DAP: variants seen among roughly 807,000 people sequenced by gnomAD.
DAP encodes the protein death associated protein.
DAP carries 8 observed loss-of-function variants against 13.8 expected under a neutral mutation model. That is an observed-to-expected ratio of 0.58 (90% CI 0.34 to 1.05). DAP has a LOEUF of 1.05. DAP is among the 50% of genes least tolerant of loss of function. DAP has a pLI of 0.03. For missense variants in DAP, 106 were observed against 133.2 expected, an observed-to-expected ratio of 0.80 and a Z score of 1.01; for synonymous variants, 47 against 47.5, an observed-to-expected ratio of 0.99 and a Z score of 0.04.
chr5:10,757,900 G>C (rs1172882880), intron 1 of DAP, among the ~76,000 whole-genome samples: 2 of 152,180 alleles, frequency 1.3e-5, no homozygotes, highest in Non-Finnish European at 2.9e-5. Context: ...AGATCAAGAA[G>C]ACCCAGCCCT....
chr5:10,696,933 C>T (rs1461657318), intron 2 of DAP, among the ~76,000 whole-genome samples: 1 of 152,130 alleles, frequency 6.6e-6, no homozygotes, highest in Non-Finnish European at 1.5e-5. Context: ...GCAGCCTGAA[C>T]AATTCAAACA....
At chr5:10,692,982 C>T (rs943134730) in intron 2 of DAP, among the ~76,000 whole-genome samples, 3 of 152,182 alleles carry the variant, frequency 2.0e-5, no homozygotes, top group Admixed American at 1.3e-4. Flanking sequence ...CTTCTTCACC[C>T]CAAAATAGGA....
intron 2 of DAP, among the ~76,000 whole-genome samples, chr5:10,740,251 A>T: frequency 1.3e-5 from 2 of 152,250 alleles, no homozygotes; most frequent in East Asian, 3.8e-4. Flanking sequence ...TAGGAGAGGA[A>T]AAAAGAGTCG....
chr5:10,734,454 A>C (rs1258376014), intron 2 of DAP, among the ~76,000 whole-genome samples: 1 of 152,208 alleles, frequency 6.6e-6, no homozygotes, highest in African/African-American at 2.4e-5. Flanking sequence ...TAAGGAGTTC[A>C]GCCAGGATCT....
intron 2 of DAP, among the ~76,000 whole-genome samples, chr5:10,702,258 C>T (rs188549372): frequency 2.6e-4 from 40 of 152,304 alleles, no homozygotes; most frequent in Non-Finnish European, 4.9e-4. Context: ...CAGCTTAGCA[C>T]AAGTTTGTGG....
At chr5:10,717,999 C>T (rs955991403) in intron 2 of DAP, among the ~76,000 whole-genome samples, 30 of 152,286 alleles carry the variant, frequency 2.0e-4, no homozygotes, top group African/African-American at 6.7e-4. Flanking sequence ...CCCAGAACCC[C>T]TTGAATGAAG....
At chr5:10,754,949 C>CA (rs1301749187) in intron 1 of DAP, among the ~76,000 whole-genome samples, 1 of 152,192 alleles carries the variant, frequency 6.6e-6, no homozygotes, top group Non-Finnish European at 1.5e-5. Context: ...TGCTGGGCTA[C>CA]ACGGCCAGGG....
At chr5:10,704,900 A>G (rs1738662945) in intron 2 of DAP, among the ~76,000 whole-genome samples, 1 of 152,116 alleles carries the variant, frequency 6.6e-6, no homozygotes, top group African/African-American at 2.4e-5. Context: ...GAGGAAGTGG[A>G]GCCAGGACAA....
chr5:10,683,058 G>T (rs918563453), intron 3 of DAP: 2 of 226,758 alleles, frequency 8.8e-6, no homozygotes, highest in Admixed American at 5.9e-5. Flanking sequence ...GTGTGGCCAG[G>T]GTGGGGTCCA....
chr5:10,709,432 G>A (rs886161758), intron 2 of DAP, among the ~76,000 whole-genome samples: 3 of 152,202 alleles, frequency 2.0e-5, no homozygotes, highest in African/African-American at 7.2e-5. Flanking sequence ...GTAGGTAAGG[G>A]AGCCCAGTAC....
At chr5:10,715,759 T>C (rs267981) in intron 2 of DAP, among the ~76,000 whole-genome samples, 141,717 of 152,314 alleles carry the variant, frequency 0.93, 66,234 homozygotes, top group Non-Finnish European at 0.97. Context: ...GCAGGGAGGC[T>C]GTTAGCCTCA....
At position 10,727,911 on chromosome 5, in the gene DAP, C is replaced by A. The variant is rs555113859; in HGVS notation, c.152+20264G>T. ...CTCCAGTTACTTACAATTCCTGATA[C>A]GATGTAAATGCTATGTAAATAGCTG... On this transcript the variant is annotated intron_variant, in intron 2 of 3. Transcript: ENST00000230895. Among the ~76,000 whole-genome samples, 70 of 152,086 alleles carry A rather than the reference C, an allele frequency of 4.6e-4. 2 individuals carry two copies. The South Asian group carries it at 0.014, about 31-fold the overall frequency.
In DAP at chr5:10,752,638, C is replaced by CTGTG. The variant is rs35087570; in HGVS notation, c.56-4371_56-4368dup. 1.3e-3 allele frequency among the ~76,000 whole-genome samples: 203 copies of CTGTG among 150,740 alleles called. 1 individual carries two copies. Among genetic ancestry groups the CTGTG allele is most frequent in the African/African-American group, 4.6e-3 (189 of 41,128 alleles). The stretch of plus-strand genomic sequence containing the variant: ...CCTTGGGATCAAATCCCAGTTCTGC[C>CTGTG]TGTGTGTGTGTGTGTGTGCATGTGC... On this transcript the variant is annotated intron_variant, in intron 1 of 3. Transcript: ENST00000230895.
At chr5:10,716,297 G>A (rs1489996201) in intron 2 of DAP, among the ~76,000 whole-genome samples, 4 of 152,164 alleles carry the variant, frequency 2.6e-5, no homozygotes, top group African/African-American at 7.2e-5. Flanking sequence ...CACATCTATC[G>A]TGCAGAGTAA....
chr5:10,693,196 A>C, intron 2 of DAP, among the ~76,000 whole-genome samples: 1 of 151,954 alleles, frequency 6.6e-6, no homozygotes. Context: ...CAAATCTCTG[A>C]TCCCACTGAA....
At chr5:10,687,460 G>T (rs1276001434) in intron 2 of DAP, among the ~76,000 whole-genome samples, 4 of 152,214 alleles carry the variant, frequency 2.6e-5, no homozygotes, top group African/African-American at 7.2e-5. Context: ...GAGTTTGGAA[G>T]AAGCTGATTC....
intron 2 of DAP, among the ~76,000 whole-genome samples, chr5:10,709,023 G>C (rs1461009075): frequency 2.6e-5 from 4 of 152,232 alleles, no homozygotes; most frequent in African/African-American, 7.2e-5. Flanking sequence ...TTCATTACAA[G>C]TAATCCTCCT....
rs1267746944 is a variant in DAP at position 10,681,120 on chromosome 5, G to A, written c.245C>T (p.Pro82Leu). 5 of 1,557,086 alleles carry A rather than the reference G, an allele frequency of 3.2e-6. No individual in the cohort carries two copies. Among genetic ancestry groups the A allele is most frequent in the Admixed American group, 2.0e-5 (1 of 50,284 alleles). The change falls in exon 4 of 4, where the codon CCG becomes CTG. Residue 82 changes from proline (P) to leucine (L), a missense_variant. Coordinates refer to ENST00000230895, the MANE Select transcript of DAP (RefSeq NM_004394.3). ...AGGATGCTTGTCCATGGAGGCATGC[G>A]GCTTCTGGTGAGCCACCTGCGCAGC... is the stretch of plus-strand genomic sequence containing the variant. ...PAAAQVAHQK[P>L]HASMDKHPSP...
chr5:10,689,360 T>TAAGA (rs1738240199), intron 2 of DAP, among the ~76,000 whole-genome samples: 1 of 152,060 alleles, frequency 6.6e-6, no homozygotes, highest in African/African-American at 2.4e-5. Flanking sequence ...CCCCCAGCAG[T>TAAGA]AAGAATGACC....
Sources: gnomAD v4.1 joint callset for allele counts (sites outside exome capture counted in the v4.1 genomes callset) on GRCh38, gnomAD v4.1.1 for gene constraint, MANE v1.5 for transcripts, NCBI Gene and HGNC (gene_info 2026-07-23, HGNC 2026-07-21) for gene names.